Variants in WSCD2 observed in about 807,000 individuals in gnomAD.
WSCD2 encodes WSC domain sialate O sulfotransferase 2.
Under a neutral mutation model 55.7 loss-of-function variants are expected in WSCD2, and 28 were observed. The ratio of observed to expected loss-of-function variants is 0.50; its 90% CI spans 0.37 to 0.69. WSCD2 has a LOEUF of 0.69. WSCD2 is among the 30% of genes least tolerant of loss of function. WSCD2 has a pLI of 0.00. For synonymous variants in WSCD2, 301 were observed against 301.9 expected, an observed-to-expected ratio of 1.00 and a Z score of 0.03; for missense variants, 616 against 762.1, an observed-to-expected ratio of 0.81 and a Z score of 2.26.
At chr12:108,169,289 C>T (rs1351786916) in intron 1 of WSCD2, among the ~76,000 whole-genome samples, 1 of 152,102 alleles carries the variant, frequency 6.6e-6, no homozygotes, top group African/African-American at 2.4e-5. Flanking sequence ...AAATAAAGTG[C>T]ACAATACATG....
At chr12:108,228,596 C>A (rs1336780183) in intron 6 of WSCD2, among the ~76,000 whole-genome samples, 1 of 152,246 alleles carries the variant, frequency 6.6e-6, no homozygotes, top group African/African-American at 2.4e-5. Flanking sequence ...TTGAGCATTG[C>A]ACTGGCACAG....
chr12:108,208,390 C>T (rs1333708090), intron 3 of WSCD2, among the ~76,000 whole-genome samples: 1 of 152,170 alleles, frequency 6.6e-6, no homozygotes, highest in Non-Finnish European at 1.5e-5. Flanking sequence ...GGTACAGAGA[C>T]ATCAAGTATA....
At chr12:108,179,679 T>C (rs1037423412) in intron 1 of WSCD2, among the ~76,000 whole-genome samples, 12 of 152,190 alleles carry the variant, frequency 7.9e-5, no homozygotes, top group African/African-American at 2.7e-4. Context: ...GCATGTTGCC[T>C]CTGGGGAGGC....
intron 6 of WSCD2, among the ~76,000 whole-genome samples, chr12:108,230,500 C>T (rs1447147013): frequency 6.6e-6 from 1 of 152,206 alleles, no homozygotes; most frequent in Non-Finnish European, 1.5e-5. Context: ...AGGCTGTCAT[C>T]GCTGCTTAAT....
At chr12:108,158,087 G>A (rs1448142292) in intron 1 of WSCD2, among the ~76,000 whole-genome samples, 5 of 152,198 alleles carry the variant, frequency 3.3e-5, no homozygotes, top group African/African-American at 7.2e-5. Flanking sequence ...CTGTACTTAC[G>A]GGATGTCTGA....
rs558921393 is a variant in WSCD2, at chr12:108,242,724, G to T, written c.1345+2180G>T. On this transcript the variant is annotated intron_variant, in intron 8 of 8. Coordinates refer to ENST00000547525, the MANE Select transcript of WSCD2 (RefSeq NM_014653.4). ...GCTGCACAGATCAACCCATCCCCTA[G>T]ATATTAAGCCCAGCATGCATTAGCT... 3.3e-5 allele frequency among the ~76,000 whole-genome samples: 5 copies of T among 152,324 alleles called. No homozygotes were observed. The East Asian group carries it at 9.6e-4, about 29-fold the overall frequency.
chr12:108,194,959 T>A (rs1432019060), intron 1 of WSCD2, among the ~76,000 whole-genome samples: 1 of 152,182 alleles, frequency 6.6e-6, no homozygotes, highest in Non-Finnish European at 1.5e-5. Context: ...TCAGTATATA[T>A]TTGACAAATA....
intron 1 of WSCD2, among the ~76,000 whole-genome samples, chr12:108,154,983 T>G (rs1452724679): frequency 6.6e-6 from 1 of 152,182 alleles, no homozygotes; most frequent in Non-Finnish European, 1.5e-5. Flanking sequence ...ATGGCGAATA[T>G]GCCCCAGATC....
chr12:108,239,480 C>T (rs1387771155), intron 7 of WSCD2, among the ~76,000 whole-genome samples: 1 of 152,174 alleles, frequency 6.6e-6, no homozygotes, highest in Admixed American at 6.5e-5. Context: ...TCCCCCACCC[C>T]CAGGGCATGT....
chr12:108,247,653 T>C (rs1174636900), intron 8 of WSCD2, among the ~76,000 whole-genome samples: 3 of 152,162 alleles, frequency 2.0e-5, no homozygotes, highest in African/African-American at 7.2e-5. Context: ...CCTCCTGGGC[T>C]CAAACAATCC....
intron 1 of WSCD2, among the ~76,000 whole-genome samples, chr12:108,158,726 A>G (rs911523269): frequency 4.6e-5 from 7 of 152,072 alleles, no homozygotes; most frequent in African/African-American, 1.7e-4. Flanking sequence ...CCCTGACAGT[A>G]CCAACATCCT....
intron 1 of WSCD2, among the ~76,000 whole-genome samples, chr12:108,162,325 A>G (rs541264741): frequency 2.2e-4 from 34 of 152,242 alleles, no homozygotes; most frequent in African/African-American, 8.2e-4. Flanking sequence ...GGAGTCACCA[A>G]GCCCCCTTCA....
rs338175 is a variant in WSCD2 at position 108,129,421 on chromosome 12, C to T, written c.-1057C>T. 0.5 allele frequency: 74,901 copies of T among 150,366 alleles called. 19,665 individuals are homozygous for T. The highest frequency in any genetic ancestry group is 0.81 in the East Asian group (4,085 of 5,030). 9.3% of individuals were successfully genotyped at this position (150,366 alleles called of 1,614,324 possible). On this transcript the variant is annotated 5_prime_UTR_variant, in exon 1 of 9. Coordinates refer to ENST00000547525, the MANE Select transcript of WSCD2 (RefSeq NM_014653.4). ...AGAGAGAGCCAGGCGGCCGGAGCTC[C>T]GCGCCGAGCCGCAGCCGGTGCCCTG...
intron 1 of WSCD2, among the ~76,000 whole-genome samples, chr12:108,173,810 C>CTCTGTGTGTGTGTGTGTGTGTGTG (rs376999073): frequency 2.3e-5 from 3 of 131,234 alleles, no homozygotes; most frequent in African/African-American, 9.2e-5. Context: ...TCCTGGCTCT[C>CTCTGTGTGTGTGTGTGTGTGTGTG]TGTGTGTGTG....
chr12:108,185,792 C>T (rs973219707), intron 1 of WSCD2, among the ~76,000 whole-genome samples: 6 of 152,122 alleles, frequency 3.9e-5, no homozygotes, highest in South Asian at 2.1e-4. Context: ...CCAGCAGAAC[C>T]GTCCATTATC....
At chr12:108,227,604 C>T (rs952610037) in intron 6 of WSCD2, among the ~76,000 whole-genome samples, 3 of 152,190 alleles carry the variant, frequency 2.0e-5, no homozygotes, top group Non-Finnish European at 4.4e-5. Context: ...GTTCTTCCTT[C>T]TTCTCTCTCC....
At chr12:108,186,264 T>A (rs187169967) in intron 1 of WSCD2, among the ~76,000 whole-genome samples, 17 of 152,260 alleles carry the variant, frequency 1.1e-4, no homozygotes, top group Non-Finnish European at 2.1e-4. Flanking sequence ...AAAGTTCCCA[T>A]ATAACCCCAG....
At chr12:108,145,208 A>G (rs1473112011) in intron 1 of WSCD2, among the ~76,000 whole-genome samples, 1 of 151,570 alleles carries the variant, frequency 6.6e-6, no homozygotes, top group Non-Finnish European at 1.5e-5. Flanking sequence ...TTGCCACTCA[A>G]CCCCCACCCC....
chr12:108,139,231 A>C (rs1034265436), intron 1 of WSCD2, among the ~76,000 whole-genome samples: 24 of 152,200 alleles, frequency 1.6e-4, no homozygotes, highest in Admixed American at 9.2e-4. Flanking sequence ...CTCCAAATAA[A>C]ATTTGATAGT....
Sources: gnomAD v4.1 joint callset for allele counts (sites outside exome capture counted in the v4.1 genomes callset) on GRCh38, gnomAD v4.1.1 for gene constraint, MANE v1.5 for transcripts, NCBI Gene and HGNC (gene_info 2026-07-23, HGNC 2026-07-21) for gene names.